Variants in ARHGAP22 observed in about 807,000 individuals in gnomAD.
ARHGAP22 encodes the protein rho GTPase-activating protein 22.
In ARHGAP22, 48 loss-of-function variants were observed where a neutral mutation model predicts 59.1. The ratio of observed to expected loss-of-function variants is 0.81; its 90% confidence interval spans 0.64 to 1.03. ARHGAP22 has a LOEUF of 1.03. Ranked by LOEUF, ARHGAP22 falls within the 50% of genes least tolerant of loss-of-function variation. The pLI, the probability that ARHGAP22 is intolerant of heterozygous loss-of-function variation, is 0.00. For synonymous variants in ARHGAP22, 445 were observed against 416.4 expected, an observed-to-expected ratio of 1.07 and a Z score of -0.84; for missense variants, 1,015 against 958.7, an observed-to-expected ratio of 1.06 and a Z score of -0.78.
At chr10:48,472,191 G>C (rs2048295978) in intron 4 of ARHGAP22, among the ~76,000 whole-genome samples, 1 of 151,144 alleles carries the variant, frequency 6.6e-6, no homozygotes, top group Non-Finnish European at 1.5e-5. Flanking sequence ...CTGGGTGACA[G>C]AGCAAGACTC....
chr10:48,555,021 G>C (rs551313571), intron 3 of ARHGAP22, among the ~76,000 whole-genome samples: 2 of 152,274 alleles, frequency 1.3e-5, no homozygotes, highest in African/African-American at 2.4e-5. Flanking sequence ...AACTGCTAAC[G>C]TGACAGTAGA....
chr10:48,491,219 G>A (rs1056795012), intron 3 of ARHGAP22, among the ~76,000 whole-genome samples: 2 of 152,144 alleles, frequency 1.3e-5, no homozygotes, highest in Non-Finnish European at 2.9e-5. Flanking sequence ...CGTCATCTCT[G>A]GCTCCCCTCC....
chr10:48,494,370 C>T (rs1354222795), intron 3 of ARHGAP22, among the ~76,000 whole-genome samples: 4 of 152,176 alleles, frequency 2.6e-5, no homozygotes. Flanking sequence ...GTCTCCTCTC[C>T]TCCAGCAGCA....
chr10:48,640,929 T>C (rs2062019017), intron 1 of ARHGAP22, among the ~76,000 whole-genome samples: 1 of 152,130 alleles, frequency 6.6e-6, no homozygotes, highest in South Asian at 2.1e-4. Flanking sequence ...TAAATAAGGA[T>C]TATAAATGTT....
At chr10:48,477,038 A>ATAAAC (rs1465770091) in intron 4 of ARHGAP22, among the ~76,000 whole-genome samples, 9 of 152,356 alleles carry the variant, frequency 5.9e-5, no homozygotes, top group Admixed American at 5.2e-4. Context: ...AAATATGCAG[A>ATAAAC]TAAACATGTC....
At chr10:48,591,528 A>C (rs893123766) in intron 1 of ARHGAP22, among the ~76,000 whole-genome samples, 1 of 152,166 alleles carries the variant, frequency 6.6e-6, no homozygotes, top group Non-Finnish European at 1.5e-5. Context: ...GGAAATGCAG[A>C]CTACAGCCAT....
chr10:48,565,679 T>G (rs2058004698), intron 2 of ARHGAP22, among the ~76,000 whole-genome samples: 2 of 152,204 alleles, frequency 1.3e-5, no homozygotes, highest in Admixed American at 1.3e-4. Context: ...GGCTGAGGCC[T>G]GGTTTCTTTA....
At chr10:48,622,996 A>C (rs1363463247) in intron 1 of ARHGAP22, among the ~76,000 whole-genome samples, 1 of 152,152 alleles carries the variant, frequency 6.6e-6, no homozygotes, top group Non-Finnish European at 1.5e-5. Flanking sequence ...AGAATATTTT[A>C]CTCTGGTCAA....
upstream of ARHGAP22, among the ~76,000 whole-genome samples, chr10:48,654,564 G>A (rs2062682752): frequency 6.6e-6 from 1 of 152,216 alleles, no homozygotes; most frequent in Admixed American, 6.5e-5. Flanking sequence ...GTGGTTGCTA[G>A]AGTGGATGCC....
In ARHGAP22 at chr10:48,454,134, T is replaced by C; in HGVS notation, c.820A>G (p.Ser274Gly). 1 of 1,614,050 alleles carries C rather than the reference T, an allele frequency of 6.2e-7. No individual in the cohort carries two copies. The highest frequency in any genetic ancestry group is 8.5e-7 in the Non-Finnish European group (1 of 1,179,964). ...TTGTAATTTGCCTGAGGAAGGTTGC[T>C]CACTTGTTTAGCCAACTCCAGAGTG... Reference protein sequence around the residue: ...EGTLELAKQVSNLPQANYNLL... With the variant: ...EGTLELAKQVGNLPQANYNLL... The change falls in exon 7 of 10, where the codon AGC becomes GGC. Residue 274 changes from serine to glycine, a missense_variant. By Grantham distance (56) the Ser-to-Gly change is moderately conservative. Transcript: ENST00000249601.
At chr10:48,484,307 T>C (rs566776397) in intron 3 of ARHGAP22, among the ~76,000 whole-genome samples, 1 of 152,374 alleles carries the variant, frequency 6.6e-6, no homozygotes, top group South Asian at 2.1e-4. Context: ...CTAATACATT[T>C]TCAAATGCTA....
chr10:48,559,476 T>C (rs1282853945), intron 2 of ARHGAP22, among the ~76,000 whole-genome samples: 1 of 152,238 alleles, frequency 6.6e-6, no homozygotes, highest in African/African-American at 2.4e-5. Context: ...TGCCATTTTG[T>C]CTGCATCTAG....
In ARHGAP22 at chr10:48,493,376, C is replaced by T. The variant is rs971440668; in HGVS notation, c.323-13612G>A. Reference sequence around the variant, plus strand: ...CACCACTTCCCTTTCAAGGGTTAATCGCCCTCCCCAGTCTCCCAGCCTGGT... The same window carrying T: ...CACCACTTCCCTTTCAAGGGTTAATTGCCCTCCCCAGTCTCCCAGCCTGGT... On this transcript the variant is annotated intron_variant, in intron 3 of 9. Coordinates refer to ENST00000249601, the MANE Select transcript of ARHGAP22 (RefSeq NM_021226.4). 92 of 1,463,228 alleles carry T rather than the reference C, an allele frequency of 6.3e-5. 1 individual carries two copies. The highest frequency in any genetic ancestry group is 2.7e-4 in the African/African-American group (19 of 71,380). 90.6% of individuals were successfully genotyped at this position (1,463,228 alleles called of 1,614,324 possible).
intron 1 of ARHGAP22, among the ~76,000 whole-genome samples, chr10:48,584,733 G>A (rs1425987828): frequency 1.3e-5 from 2 of 152,212 alleles, no homozygotes; most frequent in South Asian, 2.1e-4. Flanking sequence ...GGTGGCTCAC[G>A]CCTGTAATCC....
chr10:48,577,742 G>A (rs866886139), intron 2 of ARHGAP22, among the ~76,000 whole-genome samples: 6 of 146,818 alleles, frequency 4.1e-5, no homozygotes, highest in African/African-American at 1.3e-4. Context: ...GTCGGGGCGG[G>A]CAGTCACCTC....
intron 4 of ARHGAP22, among the ~76,000 whole-genome samples, chr10:48,471,670 T>A (rs564208066): frequency 6.0e-4 from 91 of 152,286 alleles, no homozygotes; most frequent in African/African-American, 2.2e-3. Context: ...CACTGCGCCC[T>A]TCCTCACATC....
At chr10:48,442,337 TGCC>T (rs2045222723), downstream of ARHGAP22, among the ~76,000 whole-genome samples, 3 of 152,236 alleles carry the variant, frequency 2.0e-5, no homozygotes, top group Non-Finnish European at 4.4e-5. Context: ...GAGTGCTGGC[TGCC>T]GCCATCATCC....
intron 3 of ARHGAP22, among the ~76,000 whole-genome samples, chr10:48,515,618 C>T (rs187849549): frequency 4.8e-4 from 73 of 152,352 alleles, no homozygotes; most frequent in African/African-American, 1.6e-3. Flanking sequence ...GCAGCATGCA[C>T]ATTCTTCTCA....
rs1206420451 is a variant in ARHGAP22, at chr10:48,451,201, G to T, written c.989-61C>A. On this transcript the variant is annotated intron_variant, in intron 8 of 9. Transcript: ENST00000249601. ...CAGCCACTCGGCCCAGGCTCGCTCT[G>T]CCAGTCATGGAGAAGCTGCAGCTTC... The T allele has an allele frequency of 8.4e-6, 13 of 1,546,720 alleles. No individual in the cohort carries two copies. In the Admixed American group the frequency reaches 2.5e-4, roughly 30 times the overall value.
Sources: gnomAD v4.1 joint callset for allele counts (sites outside exome capture counted in the v4.1 genomes callset) on GRCh38, gnomAD v4.1.1 for gene constraint, MANE v1.5 for transcripts, NCBI Gene and HGNC (gene_info 2026-07-23, HGNC 2026-07-21) for gene names.